The following GSTCD variants were observed in gnomAD, a reference collection of about 807,000 sequenced individuals.
GSTCD encodes the protein glutathione S-transferase C-terminal domain containing, also known as glutathione S-transferase C-terminal domain-containing protein.
GSTCD carries 44 observed loss-of-function variants against 68.3 expected under a neutral mutation model. That is an observed-to-expected ratio of 0.64 (90% CI 0.51 to 0.83). GSTCD has a LOEUF of 0.83. Among genes scored for constraint, GSTCD ranks in the 40% least tolerant of loss-of-function variants. GSTCD has a pLI of 0.00. For missense variants in GSTCD, 739 were observed against 735.9 expected, an observed-to-expected ratio of 1.00 and a Z score of -0.05; for synonymous variants, 273 against 255.2, an observed-to-expected ratio of 1.07 and a Z score of -0.67.
chr4:105,717,908 A>C lies in GSTCD; in HGVS notation c.295A>C (p.Asn99His), dbSNP rs1232337273. The C allele has an allele frequency of 6.2e-7, 1 of 1,614,154 alleles. No individual in the cohort carries two copies. Among genetic ancestry groups the C allele is most frequent in the Non-Finnish European group, 8.5e-7 (1 of 1,180,010 alleles). Residue 99 changes from asparagine to histidine, a missense_variant, in exon 2 of 12, where the codon AAT (asparagine) becomes CAT (histidine). By Grantham distance (68) the Asn-to-His change is moderately conservative (BLOSUM62 1). Transcript: ENST00000515279. ...GCCTGCAGTAGTAGAACGATCAGAC[A>C]ATTTTTGTAGAGCAGGACTTGCTGT... ...CLPAVVERSD[N>H]FCRAGLAVVL...
At chr4:105,814,641 T>TA (rs1722899137) in intron 5 of GSTCD, among the ~76,000 whole-genome samples, 1 of 151,702 alleles carries the variant, frequency 6.6e-6, no homozygotes, top group South Asian at 2.1e-4. Context: ...AAAAATAAAT[T>TA]AAAAAAATAA....
At chr4:105,779,946 G>T (rs895138906) in intron 5 of GSTCD, among the ~76,000 whole-genome samples, 1 of 152,166 alleles carries the variant, frequency 6.6e-6, no homozygotes, top group African/African-American at 2.4e-5. Flanking sequence ...ATGATACTCA[G>T]ATTTTATGCC....
chr4:105,843,153 C>T (rs916421612), intron 11 of GSTCD, among the ~76,000 whole-genome samples: 3 of 152,126 alleles, frequency 2.0e-5, no homozygotes, highest in Admixed American at 2.0e-4. Flanking sequence ...ATGAGAAATC[C>T]TTATCTTTAA....
At chr4:105,742,528 G>A (rs1417776201) in intron 5 of GSTCD, among the ~76,000 whole-genome samples, 3 of 152,144 alleles carry the variant, frequency 2.0e-5, no homozygotes, top group African/African-American at 7.2e-5. Flanking sequence ...TCTGCGGAAT[G>A]GAGATCATAG....
intron 5 of GSTCD, among the ~76,000 whole-genome samples, chr4:105,769,026 A>G (rs1389922523): frequency 6.6e-6 from 1 of 152,050 alleles, no homozygotes; most frequent in Non-Finnish European, 1.5e-5. Flanking sequence ...AGTATAGAAC[A>G]AAGAATCAAA....
At chr4:105,723,138 C>T (rs1461011895) in intron 3 of GSTCD, among the ~76,000 whole-genome samples, 2 of 151,844 alleles carry the variant, frequency 1.3e-5, no homozygotes, top group Non-Finnish European at 2.9e-5. Context: ...ACGAAGAGTA[C>T]AGGAAAGATG....
In GSTCD at chr4:105,710,260, T is replaced by C. The variant is rs575557396; in HGVS notation, c.-22+1244T>C. Among the ~76,000 whole-genome samples, 13 of 123,530 alleles carry C rather than the reference T, an allele frequency of 1.1e-4. No individual in the cohort carries two copies. The South Asian group carries it at 3.8e-3, about 37-fold the overall frequency. The allele number at this position is 123,530 out of a possible 152,430, so 81.0% of individuals were successfully genotyped here. On this transcript the variant is annotated intron_variant, in intron 1 of 11. Coordinates refer to ENST00000515279, the MANE Select transcript of GSTCD (RefSeq NM_001370181.1). Reference sequence around the variant, plus strand: ...TTTTTTTTTTTTTTTTTTTTTGAGCTGGAGTCCTGCTCTGTCGCCTGGGGA... The same window carrying C: ...TTTTTTTTTTTTTTTTTTTTTGAGCCGGAGTCCTGCTCTGTCGCCTGGGGA...
intron 11 of GSTCD, among the ~76,000 whole-genome samples, chr4:105,845,014 A>G (rs531604527): frequency 1.4e-4 from 22 of 152,338 alleles, no homozygotes; most frequent in African/African-American, 5.3e-4. Context: ...TGGAAAAGCT[A>G]ATGTCTTTCA....
chr4:105,825,560 G>A, intron 7 of GSTCD, 112 bp from the exon 8 acceptor site: 1 of 600,474 alleles, frequency 1.7e-6, no homozygotes, highest in Non-Finnish European at 2.9e-6. Context: ...CAGAATAGAG[G>A]CTCAATATAA....
At chr4:105,729,598 T>C in intron 5 of GSTCD, 99 bp downstream of exon 5, 1 of 654,200 alleles carries the variant, frequency 1.5e-6, no homozygotes, top group Non-Finnish European at 2.5e-6. Context: ...TTATCTAATA[T>C]TCTGATTATA....
At chr4:105,745,954 G>A (rs529804123) in intron 5 of GSTCD, among the ~76,000 whole-genome samples, 1 of 152,166 alleles carries the variant, frequency 6.6e-6, no homozygotes, top group South Asian at 2.1e-4. Flanking sequence ...CCATCTTCTA[G>A]GGAGAGTGAT....
intron 5 of GSTCD, among the ~76,000 whole-genome samples, chr4:105,769,972 G>T (rs903756007): frequency 6.6e-6 from 1 of 151,980 alleles, no homozygotes; most frequent in African/African-American, 2.4e-5. Flanking sequence ...TTTGCAGGCT[G>T]GTCTCCCAAT....
intron 1 of GSTCD, chr4:105,712,648 A>G (rs1301187214): frequency 6.6e-6 from 1 of 152,234 alleles, no homozygotes; most frequent in African/African-American, 2.4e-5. Context: ...TAGTCCTTGT[A>G]AGCACTGGCG....
intron 5 of GSTCD, among the ~76,000 whole-genome samples, chr4:105,770,791 G>A (rs879867219): frequency 2.4e-4 from 36 of 152,112 alleles, no homozygotes; most frequent in Non-Finnish European, 4.6e-4. Context: ...ATTTGGGTTG[G>A]TTCCAAGTCT....
chr4:105,766,887 CT>C, intron 5 of GSTCD, among the ~76,000 whole-genome samples: 743 of 57,094 alleles, frequency 0.013, 14 homozygotes, highest in Middle Eastern at 0.051. Flanking sequence ...GTTTTTGACT[CT>C]TTTTTTTTTT....
At chr4:105,776,005 G>A (rs559107070) in intron 5 of GSTCD, among the ~76,000 whole-genome samples, 12 of 152,336 alleles carry the variant, frequency 7.9e-5, no homozygotes, top group Non-Finnish European at 1.5e-4. Context: ...CCATAAGCCC[G>A]ACTGGGGCAG....
At chr4:105,767,949 A>G (rs1734685532) in intron 5 of GSTCD, among the ~76,000 whole-genome samples, 1 of 152,034 alleles carries the variant, frequency 6.6e-6, no homozygotes, top group Non-Finnish European at 1.5e-5. Context: ...TTCATGAAAG[A>G]ATTCTAGTTT....
At position 105,825,793 on chromosome 4, in the gene GSTCD, A is replaced by G; in HGVS notation, c.1523A>G (p.Asn508Ser). Residue 508 changes from asparagine (N) to serine (S), a missense_variant, in exon 8 of 12, where the codon AAT becomes AGT. By Grantham distance (46) the Asn-to-Ser change is conservative. Transcript: ENST00000515279. ...ATGGAATATTTTACTGGGATGTTTAATATTGGAGTAAGTAATCAAGTAATT... is the reference window on the plus strand; with the variant it reads ...ATGGAATATTTTACTGGGATGTTTAGTATTGGAGTAAGTAATCAAGTAATT... Reference protein sequence around the residue: ...ANMEYFTGMFNIGVALHACGV... With the variant: ...ANMEYFTGMFSIGVALHACGV... 1 of 1,536,424 alleles carries G rather than the reference A, an allele frequency of 6.5e-7. No individual in the cohort carries two copies. Among genetic ancestry groups the G allele is most frequent in the Non-Finnish European group, 9.0e-7 (1 of 1,113,370 alleles).
At chr4:105,716,529 G>T (rs894689088) in intron 1 of GSTCD, among the ~76,000 whole-genome samples, 5 of 152,160 alleles carry the variant, frequency 3.3e-5, no homozygotes, top group Admixed American at 6.5e-5. Flanking sequence ...CCTGAATGGC[G>T]CCTCCTGTCA....
Sources: allele counts gnomAD v4.1 joint callset (sites outside exome capture counted in the v4.1 genomes callset), GRCh38; gene constraint gnomAD v4.1.1; transcripts MANE v1.5; gene names NCBI Gene and HGNC (gene_info 2026-07-23, HGNC 2026-07-21).